KPNA6: variants seen among roughly 807,000 people sequenced by gnomAD.
The protein encoded by KPNA6 is importin subunit alpha-7.
A neutral mutation model predicts 72.0 loss-of-function variants in KPNA6; 9 were observed. The ratio of observed to expected loss-of-function variants is 0.13; its 90% CI spans 0.08 to 0.22. The LOEUF is 0.22. KPNA6 is among the 10% of genes least tolerant of loss of function. The pLI, the probability that KPNA6 is intolerant of heterozygous loss-of-function variation, is 1.00. For missense variants in KPNA6, 374 were observed against 655.7 expected (o/e 0.57, Z 4.69); for synonymous variants, 219 against 242.1 (o/e 0.90, Z 0.89).
chr1:32,110,051 ATTGAATTTTT>A (rs1187509496), intron 1 of KPNA6, among the ~76,000 whole-genome samples: 11 of 144,578 alleles, frequency 7.6e-5, no homozygotes, highest in African/African-American at 2.6e-4. Flanking sequence ...AGAATCTGGA[ATTGAATTTTT>A]TTTTTTTTTT....
At chr1:32,113,939 A>G (rs1641283079) in intron 1 of KPNA6, among the ~76,000 whole-genome samples, 1 of 152,186 alleles carries the variant, frequency 6.6e-6, no homozygotes, top group Non-Finnish European at 1.5e-5. Flanking sequence ...CCCCATCTGC[A>G]GTAACTTGCT....
At chr1:32,135,695 T>G (rs1176588166) in intron 1 of KPNA6, among the ~76,000 whole-genome samples, 1 of 151,318 alleles carries the variant, frequency 6.6e-6, no homozygotes, top group Non-Finnish European at 1.5e-5. Flanking sequence ...CTTGACCTCT[T>G]GGGCTCAAGT....
chr1:32,169,763 CA>C (rs1338582058), intron 12 of KPNA6, 118 bp from the exon 13 acceptor site: 1 of 953,130 alleles, frequency 1.0e-6, no homozygotes, highest in Non-Finnish European at 1.5e-6. Flanking sequence ...CTCGGCCTCA[CA>C]ATTCTTAAAA....
At chr1:32,153,754 C>T (rs1198271174) in intron 1 of KPNA6, among the ~76,000 whole-genome samples, 4 of 152,076 alleles carry the variant, frequency 2.6e-5, no homozygotes. Context: ...AAGTATTGGT[C>T]AAGATATTTG....
At position 32,108,089 on chromosome 1, in the gene KPNA6, C is replaced by T. The variant is rs753996650; in HGVS notation, c.-42C>T. 1.7e-5 allele frequency: 28 copies of T among 1,613,658 alleles called. No homozygotes were observed. The South Asian group carries it at 1.8e-4, about 10-fold the overall frequency. ...TACTGAAAGCTGCCGCTGAAGCTGC[C>T]GCCGTTGCCTCCGCCGCCAAGAGTG... On this transcript the variant is annotated 5_prime_UTR_variant, in exon 1 of 14. Coordinates refer to ENST00000373625, the MANE Select transcript of KPNA6 (RefSeq NM_012316.5).
chr1:32,155,110 C>CAAAAAAAAAAAAAAAAAA (rs144040035), intron 2 of KPNA6, among the ~76,000 whole-genome samples: 1 of 54,228 alleles, frequency 1.8e-5, no homozygotes, highest in Admixed American at 2.7e-4. Flanking sequence ...AACTCCATCT[C>CAAAAAAAAAAAAAAAAAA]AAAAAAAAAA....
At chr1:32,142,182 G>A (rs575735638) in intron 1 of KPNA6, among the ~76,000 whole-genome samples, 139 of 149,942 alleles carry the variant, frequency 9.3e-4, no homozygotes, top group African/African-American at 3.2e-3. Flanking sequence ...CTTGAACCCC[G>A]GAGACAGAGG....
At chr1:32,145,688 C>A (rs1187153392) in intron 1 of KPNA6, among the ~76,000 whole-genome samples, 1 of 152,118 alleles carries the variant, frequency 6.6e-6, no homozygotes, top group East Asian at 1.9e-4. Flanking sequence ...ATTTATTTCT[C>A]CACTGAATGG....
At chr1:32,121,656 A>G (rs1319238524) in intron 1 of KPNA6, among the ~76,000 whole-genome samples, 2 of 152,156 alleles carry the variant, frequency 1.3e-5, no homozygotes, top group Admixed American at 1.3e-4. Context: ...AAAGAAAACA[A>G]GGAGTGCTTG....
At chr1:32,166,598 C>G (rs1280492347) in intron 11 of KPNA6, among the ~76,000 whole-genome samples, 1 of 139,966 alleles carries the variant, frequency 7.1e-6, no homozygotes, top group Non-Finnish European at 1.5e-5. Context: ...GCACTCCAGC[C>G]TGGGCAACAG....
intron 1 of KPNA6, among the ~76,000 whole-genome samples, chr1:32,153,753 T>G (rs1642082806): frequency 6.6e-6 from 1 of 152,164 alleles, no homozygotes; most frequent in South Asian, 2.1e-4. Context: ...AAAGTATTGG[T>G]CAAGATATTT....
intron 1 of KPNA6, among the ~76,000 whole-genome samples, chr1:32,108,589 T>C (rs573843955): frequency 1.3e-5 from 2 of 152,308 alleles, no homozygotes; most frequent in Non-Finnish European, 2.9e-5. Flanking sequence ...CGTAGCGAGG[T>C]GGAGTCCTCT....
At chr1:32,145,505 A>G (rs1457918850) in intron 1 of KPNA6, among the ~76,000 whole-genome samples, 1 of 150,424 alleles carries the variant, frequency 6.6e-6, no homozygotes. Flanking sequence ...TTGTATTTTT[A>G]GTAGAGACGG....
intron 1 of KPNA6, among the ~76,000 whole-genome samples, chr1:32,139,239 A>G (rs1316455056): frequency 2.0e-5 from 3 of 152,194 alleles, no homozygotes; most frequent in African/African-American, 7.2e-5. Flanking sequence ...GAGCAGATGG[A>G]TTGGAATTAG....
rs1046329183 is a variant in KPNA6, at chr1:32,175,057, G to C, written c.*4163G>C. The stretch of plus-strand genomic sequence containing the variant: ...GGCCAAGGCCTTCATAAATGATTCA[G>C]TCTCTCATTATCTGTCCTCTAGCCC... On this transcript the variant is annotated 3_prime_UTR_variant, in exon 14 of 14. Coordinates refer to ENST00000373625, the MANE Select transcript of KPNA6 (RefSeq NM_012316.5). 2.0e-5 allele frequency: 3 copies of C among 152,222 alleles called. No individual in the cohort carries two copies. The highest frequency in any genetic ancestry group is 7.2e-5 in the African/African-American group (3 of 41,458). 9.4% of individuals were successfully genotyped at this position (152,222 alleles called of 1,614,324 possible). A position where few individuals can be genotyped will look rare whatever the true frequency, so the allele number is the denominator to read the frequency against.
intron 1 of KPNA6, among the ~76,000 whole-genome samples, chr1:32,151,559 G>A (rs189297915): frequency 1.0e-3 from 153 of 152,178 alleles, no homozygotes; most frequent in African/African-American, 3.6e-3. Flanking sequence ...AGCCACCTCA[G>A]TCTCACTGAA....
chr1:32,161,834 G>A (rs1000337214), intron 7 of KPNA6, 113 bp from the exon 8 acceptor site: 15 of 759,778 alleles, frequency 2.0e-5, no homozygotes, highest in African/African-American at 3.5e-5. Context: ...TGAGTAGGAA[G>A]AAACAGGCTG....
chr1:32,159,102 G>A (rs1028151188), intron 5 of KPNA6, among the ~76,000 whole-genome samples: 2 of 152,196 alleles, frequency 1.3e-5, no homozygotes, highest in African/African-American at 4.8e-5. Context: ...ACCTGGCAAA[G>A]GATGCATGGG....
intron 1 of KPNA6, among the ~76,000 whole-genome samples, chr1:32,144,313 T>G (rs1641893541): frequency 6.6e-6 from 1 of 152,226 alleles, no homozygotes; most frequent in Admixed American, 6.5e-5. Flanking sequence ...TAGCGCGATA[T>G]TTCATCATGT....
Sources: gnomAD v4.1 joint callset for allele counts (sites outside exome capture counted in the v4.1 genomes callset) on GRCh38, gnomAD v4.1.1 for gene constraint, MANE v1.5 for transcripts, NCBI Gene and HGNC (gene_info 2026-07-23, HGNC 2026-07-21) for gene names.